Variants in FIP1L1 observed in about 807,000 individuals in gnomAD.
FIP1L1 encodes factor interacting with PAPOLA and CPSF1.
A neutral mutation model predicts 84.6 loss-of-function variants in FIP1L1; 21 were observed. The ratio of observed to expected loss-of-function variants is 0.25; its 90% confidence interval spans 0.18 to 0.36. The LOEUF (loss-of-function observed/expected upper bound fraction) is 0.36, where lower values mean the gene tolerates loss of function less well. FIP1L1 is among the 10% of genes least tolerant of loss of function. The probability of loss-of-function intolerance (pLI) is 1.00; values close to 1 mark genes in which losing one functional copy is unlikely to be tolerated. For missense variants in FIP1L1, 526 were observed against 751.1 expected, an observed-to-expected ratio of 0.70 and a Z score of 3.50; for synonymous variants, 263 against 242.3, an observed-to-expected ratio of 1.09 and a Z score of -0.80.
chr4:53,437,449 A>C (rs190882175), intron 13 of FIP1L1, among the ~76,000 whole-genome samples: 1 of 151,876 alleles, frequency 6.6e-6, no homozygotes, highest in East Asian at 1.9e-4. Flanking sequence ...TTTCATAAAA[A>C]TTCGGAATGG....
intron 10 of FIP1L1, among the ~76,000 whole-genome samples, chr4:53,408,883 G>A (rs1156391344): frequency 1.3e-5 from 2 of 152,008 alleles, no homozygotes; most frequent in Non-Finnish European, 1.5e-5. Flanking sequence ...GGTTATTCTA[G>A]TTATACATTC....
At chr4:53,419,553 A>G (rs56345181) in intron 11 of FIP1L1, among the ~76,000 whole-genome samples, 18,260 of 152,024 alleles carry the variant, frequency 0.12, 2,124 homozygotes, top group African/African-American at 0.28. Context: ...CAGTCCTCCC[A>G]TCTCAGCCTC....
chr4:53,457,053 C>G (rs1719507575), intron 16 of FIP1L1, among the ~76,000 whole-genome samples: 1 of 152,090 alleles, frequency 6.6e-6, no homozygotes, highest in Admixed American at 6.6e-5. Context: ...CTAAAAAGTT[C>G]TGCTTCTGAA....
chr4:53,378,044 C>T (rs927246462), intron 1 of FIP1L1, 121 bp downstream of exon 1: 42 of 920,322 alleles, frequency 4.6e-5, no homozygotes, highest in Admixed American at 1.3e-4. Context: ...GAGTCCTGTC[C>T]GGCCTGACTT....
intron 16 of FIP1L1, among the ~76,000 whole-genome samples, chr4:53,457,704 C>A (rs1379993776): frequency 6.6e-6 from 1 of 152,000 alleles, no homozygotes; most frequent in Non-Finnish European, 1.5e-5. Flanking sequence ...TCAGCATATT[C>A]TTCTAAAAGA....
chr4:53,448,188 T>C (rs532269816), intron 15 of FIP1L1, among the ~76,000 whole-genome samples: 9 of 152,248 alleles, frequency 5.9e-5, no homozygotes, highest in Admixed American at 1.3e-4. Context: ...AAATTAATTT[T>C]TTAGGTATAA....
At chr4:53,416,657 A>G (rs1432941470) in intron 11 of FIP1L1, among the ~76,000 whole-genome samples, 1 of 152,184 alleles carries the variant, frequency 6.6e-6, no homozygotes, top group Non-Finnish European at 1.5e-5. Context: ...ACTTTCATAG[A>G]CAAAGGCATA....
rs1452519068 is a variant in FIP1L1, at chr4:53,460,196, G to A, written c.*747G>A. The A allele has an allele frequency of 5.1e-6, 1 of 196,320 alleles. No individual in the cohort carries two copies. The highest frequency in any genetic ancestry group is 2.3e-5 in the African/African-American group (1 of 43,268). 12.2% of individuals were successfully genotyped at this position (196,320 alleles called of 1,614,324 possible). Reference sequence around the variant, plus strand: ...TTGGCCTTCTTGATGCATTTTCCAAGGCCCACTGGTGGAGCAGCATGAGTT... The same window carrying A: ...TTGGCCTTCTTGATGCATTTTCCAAAGCCCACTGGTGGAGCAGCATGAGTT... On this transcript the variant is annotated 3_prime_UTR_variant, in exon 18 of 18. Coordinates refer to ENST00000337488, the MANE Select transcript of FIP1L1 (RefSeq NM_030917.4).
At chr4:53,409,459 T>G (rs983636736) in intron 10 of FIP1L1, among the ~76,000 whole-genome samples, 1 of 152,322 alleles carries the variant, frequency 6.6e-6, no homozygotes, top group African/African-American at 2.4e-5. Flanking sequence ...AGGGACCCAC[T>G]TGAGGAGGCA....
intron 7 of FIP1L1, 24 bp downstream of exon 7, chr4:53,390,652 A>G: frequency 6.7e-7 from 1 of 1,484,400 alleles, no homozygotes; most frequent in Non-Finnish European, 9.2e-7. Flanking sequence ...GGATTATATT[A>G]ATTTCAATAT....
chr4:53,458,757 A>T lies in FIP1L1; in HGVS notation c.1604A>T (p.Glu535Val). The T allele has an allele frequency of 6.2e-7, 1 of 1,612,918 alleles. No homozygotes were observed. The highest frequency in any genetic ancestry group is 8.5e-7 in the Non-Finnish European group (1 of 1,179,290). ...EERHRERRHREKEETRHKSSR... is the reference protein window; with the variant it reads ...EERHRERRHRVKEETRHKSSR... ...CGACATAGAGAAAGACGACACAGGGAGAAAGAGGAAACCAGACATAAGTCT... is the reference window on the plus strand; with the variant it reads ...CGACATAGAGAAAGACGACACAGGGTGAAAGAGGAAACCAGACATAAGTCT... Residue 535 changes from glutamate (E) to valine (V), a missense_variant, in exon 17 of 18, where the codon GAG becomes GTG. Glu to Val is a moderately radical substitution (Grantham distance 121). This residue lies in a region of FIP1L1 where 89 missense variants were observed against 169.0 expected (regional missense o/e 0.53). Coordinates refer to ENST00000337488, the MANE Select transcript of FIP1L1 (RefSeq NM_030917.4).
At chr4:53,437,350 AAAAG>A (rs1489143297) in intron 13 of FIP1L1, among the ~76,000 whole-genome samples, 6 of 148,552 alleles carry the variant, frequency 4.0e-5, no homozygotes, top group East Asian at 1.9e-4. Context: ...AAAAAAAAAA[AAAAG>A]AGAGAGAAAT....
At chr4:53,413,645 T>C (rs1308671054) in intron 10 of FIP1L1, among the ~76,000 whole-genome samples, 1 of 152,134 alleles carries the variant, frequency 6.6e-6, no homozygotes, top group African/African-American at 2.4e-5. Context: ...TACAGTTTTT[T>C]CTTTGTCTCT....
At chr4:53,390,468 T>TA in intron 6 of FIP1L1, 53 bp from the exon 7 acceptor site, 2 of 1,062,308 alleles carry the variant, frequency 1.9e-6, no homozygotes, top group South Asian at 2.6e-5. Flanking sequence ...GTCTATGGTA[T>TA]CGCCTGGCTT....
chr4:53,380,117 G>A (rs924369608), intron 3 of FIP1L1, among the ~76,000 whole-genome samples: 3 of 152,162 alleles, frequency 2.0e-5, no homozygotes, highest in Non-Finnish European at 4.4e-5. Flanking sequence ...GAAACATGGA[G>A]TTACCATGTG....
At chr4:53,443,229 A>AT (rs1362204628) in intron 14 of FIP1L1, among the ~76,000 whole-genome samples, 4 of 152,112 alleles carry the variant, frequency 2.6e-5, no homozygotes, top group African/African-American at 9.7e-5. Context: ...TACAAAGAAT[A>AT]TTTCCTTCAT....
intron 11 of FIP1L1, among the ~76,000 whole-genome samples, chr4:53,416,892 A>T (rs1759740071): frequency 6.6e-6 from 1 of 152,008 alleles, no homozygotes; most frequent in Admixed American, 6.6e-5. Context: ...TGAACCCGGG[A>T]GGTGGAGGTT....
chr4:53,441,856 G>A (rs1772077679), intron 13 of FIP1L1, among the ~76,000 whole-genome samples: 1 of 151,958 alleles, frequency 6.6e-6, no homozygotes, highest in Admixed American at 6.6e-5. Flanking sequence ...AGTAGTGAGA[G>A]TTGTTAATTG....
intron 15 of FIP1L1, among the ~76,000 whole-genome samples, chr4:53,445,767 T>A (rs1287231798): frequency 1.3e-5 from 2 of 152,160 alleles, no homozygotes; most frequent in Non-Finnish European, 2.9e-5. Context: ...AAGGACACCT[T>A]TGTCTTTGTA....
Sources: allele counts gnomAD v4.1 joint callset (sites outside exome capture counted in the v4.1 genomes callset), GRCh38; gene constraint gnomAD v4.1.1; regional missense constraint gnomAD v4.1.1; transcripts MANE v1.5; gene names NCBI Gene and HGNC (gene_info 2026-07-23, HGNC 2026-07-21).